The following EFCC1 variants were observed in gnomAD, a reference collection of about 807,000 sequenced individuals.
The protein encoded by EFCC1 is EF-hand and coiled-coil domain containing 1, also known as EF-hand and coiled-coil domain-containing protein 1.
In EFCC1, 50 loss-of-function variants were observed where a neutral mutation model predicts 52.1. That is an observed-to-expected ratio of 0.96 (90% CI 0.76 to 1.21). The LOEUF (loss-of-function observed/expected upper bound fraction) is 1.21. EFCC1 is among the 50% of genes most tolerant of loss of function. The pLI is 0.00. For missense variants in EFCC1, 837 were observed against 867.3 expected (o/e 0.97, Z 0.44); for synonymous variants, 399 against 396.5 (o/e 1.01, Z -0.08).
chr3:129,038,836 A>G lies in EFCC1; in HGVS notation c.1599A>G (p.Ile533Met), dbSNP rs1273727297. Reference sequence around the variant, plus strand: ...TGTTTCCATTTCTTTTTAAGAACATATCGAAAAGAGCCCTGGGGAAGATTT... The same window carrying G: ...TGTTTCCATTTCTTTTTAAGAACATGTCGAAAAGAGCCCTGGGGAAGATTT... ...QLLQRLRDLN[I>M]SKRALGKILL... is the part of the protein sequence containing the mutation. Residue 533 changes from isoleucine to methionine, a missense_variant, in exon 7 of 8, where the codon ATA becomes ATG. Coordinates refer to ENST00000683648, the MANE Select transcript of EFCC1 (RefSeq NM_001377500.1). 8 of 1,613,770 alleles carry G rather than the reference A, an allele frequency of 5.0e-6. No individual in the cohort carries two copies. In the Admixed American group the frequency reaches 1.2e-4, roughly 24 times the overall value.
chr3:129,006,321 CGTTT>C (rs1348517816), intron 2 of EFCC1, among the ~76,000 whole-genome samples: 4 of 152,056 alleles, frequency 2.6e-5, no homozygotes, highest in Non-Finnish European at 4.4e-5. Flanking sequence ...GTTTTTTGTT[CGTTT>C]GTTTGTTTTT....
intron 1 of EFCC1, chr3:129,002,830 A>C (rs896395048): frequency 2.6e-5 from 4 of 155,002 alleles, no homozygotes; most frequent in African/African-American, 9.6e-5. Flanking sequence ...CTGTGGGAGA[A>C]ACAGAGACAA....
intron 4 of EFCC1, 73 bp from the exon 5 acceptor site, chr3:129,034,091 A>C: frequency 6.3e-7 from 1 of 1,586,016 alleles, no homozygotes; most frequent in Non-Finnish European, 8.6e-7. Flanking sequence ...CACCACCACC[A>C]CCTCTCCAAG....
Position 129,039,836 on chromosome 3 carries a change from C to T in EFCC1, c.1788C>T (p.Leu596=), listed in dbSNP as rs769371975. The T allele has an allele frequency of 1.4e-5, 23 of 1,606,910 alleles. No homozygotes were observed. Among genetic ancestry groups the T allele is most frequent in the East Asian group, 2.2e-5 (1 of 44,588 alleles). ...CAGCTGCGCTCACCAACCCCCTCCT[C>T]GTCTCCTGCTGAGGTTACTGGCCCA... ...SAAAALTNPL[L]VSC The change falls in exon 8 of 8, where the codon CTC becomes CTT. Residue 596 remains leucine, a synonymous_variant. Coordinates refer to ENST00000683648, the MANE Select transcript of EFCC1 (RefSeq NM_001377500.1).
intron 5 of EFCC1, among the ~76,000 whole-genome samples, chr3:129,035,376 C>T (rs1310932298): frequency 6.6e-6 from 1 of 152,204 alleles, no homozygotes; most frequent in Non-Finnish European, 1.5e-5. Flanking sequence ...GCCGCATCCA[C>T]GCCAGTGTGC....
chr3:129,021,873 G>A (rs1290941925), intron 2 of EFCC1, among the ~76,000 whole-genome samples: 1 of 152,034 alleles, frequency 6.6e-6, no homozygotes, highest in Non-Finnish European at 1.5e-5. Context: ...TACCATTAGG[G>A]CATCACATTA....
chr3:129,030,495 C>T (rs1299525705), intron 2 of EFCC1: 1 of 435,904 alleles, frequency 2.3e-6, no homozygotes, highest in African/African-American at 2.0e-5. Flanking sequence ...TGCCTTGAGT[C>T]CCATTGGCTA....
intron 2 of EFCC1, among the ~76,000 whole-genome samples, chr3:129,005,405 A>G (rs1945027262): frequency 6.6e-6 from 1 of 152,236 alleles, no homozygotes; most frequent in Admixed American, 6.5e-5. Flanking sequence ...AGGAGGCCAG[A>G]GTGGCTGGAG....
chr3:129,018,976 C>A (rs552111513), intron 2 of EFCC1, among the ~76,000 whole-genome samples: 11 of 152,296 alleles, frequency 7.2e-5, no homozygotes, highest in East Asian at 3.9e-4. Context: ...ACTAGGCTGC[C>A]TCCAACTGCC....
At chr3:129,002,412 A>C (rs1408577346) in intron 1 of EFCC1, 88 bp downstream of exon 1, 9 of 1,431,722 alleles carry the variant, frequency 6.3e-6, no homozygotes, top group African/African-American at 3.0e-5. Flanking sequence ...GACAGGACAG[A>C]GTCAGAGGAA....
At chr3:129,036,143 C>T (rs2107940486) in intron 5 of EFCC1, among the ~76,000 whole-genome samples, 1 of 152,352 alleles carries the variant, frequency 6.6e-6, no homozygotes, top group Admixed American at 6.5e-5. Flanking sequence ...AATAAACTGG[C>T]AGTCACAAAG....
Position 129,038,822 on chromosome 3 carries a change from C to T in EFCC1, c.1594-9C>T. The T allele has an allele frequency of 6.2e-7, 1 of 1,613,622 alleles. No individual in the cohort carries two copies. Among genetic ancestry groups the T allele is most frequent in the Non-Finnish European group, 8.5e-7 (1 of 1,179,938 alleles). On this transcript the variant is annotated splice_polypyrimidine_tract_variant and intron_variant, in intron 6 of 7. Coordinates refer to ENST00000683648, the MANE Select transcript of EFCC1 (RefSeq NM_001377500.1). ...GTCTAATCCAGCCTTGTTTCCATTT[C>T]TTTTTAAGAACATATCGAAAAGAGC... is the stretch of plus-strand genomic sequence containing the variant.
chr3:129,016,802 G>A (rs1276154244), intron 2 of EFCC1, among the ~76,000 whole-genome samples: 1 of 152,190 alleles, frequency 6.6e-6, no homozygotes, highest in African/African-American at 2.4e-5. Flanking sequence ...GTTAGGCACT[G>A]CACTAAGGAC....
intron 7 of EFCC1, 136 bp downstream of exon 7, chr3:129,039,036 A>C: frequency 1.2e-6 from 1 of 806,534 alleles, no homozygotes; most frequent in Non-Finnish European, 2.0e-6. Flanking sequence ...TGCTTTAGAA[A>C]GCTGAAGGGG....
chr3:129,022,470 G>A (rs905517783), intron 2 of EFCC1, among the ~76,000 whole-genome samples: 7 of 152,226 alleles, frequency 4.6e-5, no homozygotes, highest in East Asian at 1.9e-4. Flanking sequence ...CAGCGGAAGG[G>A]AGGAAGAGCA....
At position 129,001,794 on chromosome 3, in the gene EFCC1, G is replaced by C. The variant is rs1559951388; in HGVS notation, c.166G>C (p.Asp56His). The C allele has an allele frequency of 1.3e-6, 2 of 1,544,906 alleles. No individual in the cohort carries two copies. Among genetic ancestry groups the C allele is most frequent in the Middle Eastern group, 3.4e-4 (2 of 5,966 alleles). ...NEIVVLATGLDQYLQEVFHHL... is the reference protein window; with the variant it reads ...NEIVVLATGLHQYLQEVFHHL... ...GATCGTGGTGCTGGCCACCGGCCTG[G>C]ACCAGTACCTGCAGGAGGTCTTCCA... Residue 56 changes from aspartate (D) to histidine (H), a missense_variant, in exon 1 of 8, where the codon GAC becomes CAC. Asp to His is a moderately conservative substitution (Grantham distance 81). Transcript: ENST00000683648.
chr3:129,011,009 C>T (rs1945301413), intron 2 of EFCC1, among the ~76,000 whole-genome samples: 1 of 152,128 alleles, frequency 6.6e-6, no homozygotes, highest in African/African-American at 2.4e-5. Context: ...TCTCAGTTTC[C>T]TCGGCTATAA....
chr3:129,001,476 C>G lies in EFCC1; in HGVS notation c.-153C>G, dbSNP rs938612511. Among the ~76,000 whole-genome samples the G allele has an allele frequency of 2.5e-4, 38 of 152,326 alleles. No individual in the cohort carries two copies. The highest frequency in any genetic ancestry group is 8.9e-4 in the African/African-American group (37 of 41,578). Reference sequence around the variant, plus strand: ...GGGGTAAACCAGACGCACTGTGAGGCCAGCGCAGCTGCTGGACACGGTCCC... The same window carrying G: ...GGGGTAAACCAGACGCACTGTGAGGGCAGCGCAGCTGCTGGACACGGTCCC... On this transcript the variant is annotated 5_prime_UTR_variant, in exon 1 of 8. Coordinates refer to ENST00000683648, the MANE Select transcript of EFCC1 (RefSeq NM_001377500.1).
intron 2 of EFCC1, among the ~76,000 whole-genome samples, chr3:129,029,108 T>G (rs535176098): frequency 1.3e-5 from 2 of 152,194 alleles, no homozygotes; most frequent in Non-Finnish European, 2.9e-5. Flanking sequence ...CGTGTCCCCC[T>G]GACCAACACC....
Sources: gnomAD v4.1 joint callset for allele counts (sites outside exome capture counted in the v4.1 genomes callset) on GRCh38, gnomAD v4.1.1 for gene constraint, MANE v1.5 for transcripts, NCBI Gene and HGNC (gene_info 2026-07-23, HGNC 2026-07-21) for gene names.